The following PCNX1 variants were observed in gnomAD, a reference collection of about 807,000 sequenced individuals.
The protein encoded by PCNX1 is pecanex 1, also known as pecanex-like protein 1.
A neutral mutation model predicts 242.2 loss-of-function variants in PCNX1; 78 were observed. The ratio of observed to expected loss-of-function variants is 0.32; its 90% CI spans 0.27 to 0.39. The LOEUF is 0.39. Among genes scored for constraint, PCNX1 ranks in the 10% least tolerant of loss-of-function variants. The pLI, the probability that PCNX1 is intolerant of heterozygous loss-of-function variation, is 1.00. For missense variants in PCNX1, 2,581 were observed against 2,856.5 expected (o/e 0.90, Z 2.20); for synonymous variants, 1,024 against 1,032.9 (o/e 0.99, Z 0.17).
chr14:71,019,437 C>G (rs1429051072), intron 12 of PCNX1, among the ~76,000 whole-genome samples: 1 of 152,100 alleles, frequency 6.6e-6, no homozygotes, highest in Non-Finnish European at 1.5e-5. Context: ...GAGTATTGCT[C>G]TGTTGCCCAG....
chr14:71,095,320 CCTT>C (rs986031642), intron 30 of PCNX1, among the ~76,000 whole-genome samples: 1 of 152,016 alleles, frequency 6.6e-6, no homozygotes, highest in Non-Finnish European at 1.5e-5. Context: ...TTTATGTTCT[CCTT>C]GTTTGGTACA....
intron 28 of PCNX1, among the ~76,000 whole-genome samples, chr14:71,079,574 A>G (rs974279955): frequency 9.2e-5 from 14 of 152,306 alleles, no homozygotes; most frequent in Admixed American, 2.0e-4. Flanking sequence ...TCGCCATTCT[A>G]ACGGGAGTGA....
intron 12 of PCNX1, among the ~76,000 whole-genome samples, chr14:71,020,318 A>T (rs1424689349): frequency 6.6e-6 from 1 of 152,236 alleles, no homozygotes; most frequent in African/African-American, 2.4e-5. Context: ...TTGCTAGGTC[A>T]AATGGTATTT....
In PCNX1 at chr14:71,050,165, C is replaced by CTT. The variant is rs377649291; in HGVS notation, c.4339-479_4339-478dup. 9.1e-3 allele frequency among the ~76,000 whole-genome samples: 1,372 copies of CTT among 150,292 alleles called. 9 individuals carry two copies. The highest frequency in any genetic ancestry group is 0.018 in the South Asian group (84 of 4,762). ...CTTTGCAGACATCTTGATTTTTTTT[C>CTT]TTTTTTTTTATTTATTATTATTATA... On this transcript the variant is annotated intron_variant, in intron 22 of 35. Coordinates refer to ENST00000304743, the MANE Select transcript of PCNX1 (RefSeq NM_014982.3).
At position 71,098,509 on chromosome 14, in the gene PCNX1, CGTGTGTGTGTGT is replaced by C. The variant is rs3221474; in HGVS notation, c.5590-3447_5590-3436del. 1.7e-3 allele frequency among the ~76,000 whole-genome samples: 223 copies of C among 128,608 alleles called. 5 individuals are homozygous for C. Among genetic ancestry groups the C allele is most frequent in the Non-Finnish European group, 5.9e-4 (36 of 61,296 alleles). 84.4% of individuals were successfully genotyped at this position (128,608 alleles called of 152,430 possible). A position where few individuals can be genotyped will look rare whatever the true frequency, so the allele number is the denominator to read the frequency against. On this transcript the variant is annotated intron_variant, in intron 30 of 35. Transcript: ENST00000304743. ...TTTGGCCTCCTTGGTTAGATGTATT[CGTGTGTGTGTGT>C]GTGTGTGTGTGTGTGTGTGTGTGTG...
intron 2 of PCNX1, among the ~76,000 whole-genome samples, chr14:70,949,343 ACACG>A (rs1488272691): frequency 6.7e-6 from 1 of 149,884 alleles, no homozygotes; most frequent in African/African-American, 2.4e-5. Context: ...GCACGTGCAT[ACACG>A]CACGTGCATA....
intron 8 of PCNX1, among the ~76,000 whole-genome samples, chr14:70,998,295 AC>A (rs1243583883): frequency 1.3e-5 from 2 of 152,192 alleles, no homozygotes; most frequent in African/African-American, 4.8e-5. Context: ...TTACCAGAGA[AC>A]ATCAGACATC....
intron 1 of PCNX1, among the ~76,000 whole-genome samples, chr14:70,914,806 A>C (rs936888914): frequency 6.6e-6 from 1 of 152,156 alleles, no homozygotes; most frequent in Non-Finnish European, 1.5e-5. Flanking sequence ...GTGCATTGTC[A>C]GGTAGGTTCT....
chr14:70,934,257 A>G (rs1037150592), intron 1 of PCNX1, among the ~76,000 whole-genome samples: 1 of 152,182 alleles, frequency 6.6e-6, no homozygotes, highest in Non-Finnish European at 1.5e-5. Context: ...CGCAATTTTT[A>G]GTGTTAAGGA....
At chr14:70,996,032 T>C (rs1391045175) in intron 8 of PCNX1, 107 bp downstream of exon 8, 1 of 822,222 alleles carries the variant, frequency 1.2e-6, no homozygotes, top group South Asian at 1.6e-5. Flanking sequence ...GAACTATGCA[T>C]AGGAGCACTT....
intron 19 of PCNX1, among the ~76,000 whole-genome samples, chr14:71,041,022 A>T (rs796311769): frequency 3.0e-4 from 45 of 152,264 alleles, no homozygotes; most frequent in African/African-American, 9.9e-4. Flanking sequence ...TTTATGGCTG[A>T]ATAGTACTCT....
At chr14:71,092,167 G>A (rs2062151906) in intron 30 of PCNX1, among the ~76,000 whole-genome samples, 1 of 152,252 alleles carries the variant, frequency 6.6e-6, no homozygotes, top group Non-Finnish European at 1.5e-5. Context: ...TCCGAGATAA[G>A]TGAATCCATC....
chr14:70,955,615 T>C (rs1229126544), intron 2 of PCNX1, among the ~76,000 whole-genome samples: 6 of 152,212 alleles, frequency 3.9e-5, no homozygotes, highest in African/African-American at 1.4e-4. Context: ...AGGTAGATAT[T>C]ACCTGAATTT....
At chr14:71,052,251 G>A (rs1447799093) in intron 24 of PCNX1, among the ~76,000 whole-genome samples, 2 of 145,550 alleles carry the variant, frequency 1.4e-5, no homozygotes, top group African/African-American at 2.6e-5. Context: ...TCATTCTGTT[G>A]CCCAGGCTGG....
At chr14:70,949,146 ATATG>A (rs1156768501) in intron 2 of PCNX1, among the ~76,000 whole-genome samples, 3 of 48,260 alleles carry the variant, frequency 6.2e-5, no homozygotes, top group Non-Finnish European at 2.2e-4. Flanking sequence ...ACACATATGT[ATATG>A]TGTATATATA....
intron 2 of PCNX1, among the ~76,000 whole-genome samples, chr14:70,960,975 T>C (rs1255060981): frequency 6.6e-6 from 1 of 152,190 alleles, no homozygotes; most frequent in Non-Finnish European, 1.5e-5. Context: ...GAAGGACCTC[T>C]TAATGGAGAA....
rs2062813485 is a variant in PCNX1, at chr14:71,114,395, T to C, written c.*4460T>C. On this transcript the variant is annotated 3_prime_UTR_variant, in exon 36 of 36. Transcript: ENST00000304743. ...TTAATTATTATACAAATAAATCTGG[T>C]AGGATATGAGTGGAGTAAGTTTGCT... The C allele has an allele frequency of 6.6e-6, 1 of 152,228 alleles. No individual in the cohort carries two copies. The highest frequency in any genetic ancestry group is 2.1e-4 in the South Asian group (1 of 4,834). 9.4% of individuals were successfully genotyped at this position (152,228 alleles called of 1,614,324 possible). A position where few individuals can be genotyped will look rare whatever the true frequency, so the allele number is the denominator to read the frequency against.
At chr14:70,955,061 A>G (rs1463971775) in intron 2 of PCNX1, among the ~76,000 whole-genome samples, 1 of 152,188 alleles carries the variant, frequency 6.6e-6, no homozygotes, top group Non-Finnish European at 1.5e-5. Flanking sequence ...CTTGAGCTTT[A>G]TGGTTTTCAT....
chr14:70,985,999 A>G (rs192856369), intron 6 of PCNX1, among the ~76,000 whole-genome samples: 3 of 152,338 alleles, frequency 2.0e-5, no homozygotes, highest in East Asian at 3.8e-4. Context: ...ATATTTATCA[A>G]GTGTGGCTAT....
Sources: allele counts gnomAD v4.1 joint callset (sites outside exome capture counted in the v4.1 genomes callset), GRCh38; gene constraint gnomAD v4.1.1; transcripts MANE v1.5; gene names NCBI Gene and HGNC (gene_info 2026-07-23, HGNC 2026-07-21).